The following EYS variants were observed in gnomAD, a reference collection of about 807,000 sequenced individuals.
EYS encodes protein eyes shut homolog.
EYS carries 250 observed loss-of-function variants against 282.1 expected under a neutral mutation model. The observed-to-expected ratio is 0.89, with a 90% confidence interval of 0.80 to 0.98. EYS has a LOEUF of 0.98. EYS is among the 50% of genes least tolerant of loss of function. The probability of loss-of-function intolerance (pLI) is 0.00; values close to 1 mark genes in which losing one functional copy is unlikely to be tolerated. For missense variants in EYS, 4,016 were observed against 3,709.0 expected (o/e 1.08, Z -2.15); for synonymous variants, 1,355 against 1,282.9 (o/e 1.06, Z -1.20).
chr6:64,166,609 CAA>C (rs142750252), intron 31 of EYS, among the ~76,000 whole-genome samples: 4,603 of 152,254 alleles, frequency 0.03, 227 homozygotes, highest in African/African-American at 0.1. Context: ...CCGATTTTAA[CAA>C]AGAGGGATAT....
intron 31 of EYS, among the ~76,000 whole-genome samples, chr6:64,121,608 A>T (rs1417462913): frequency 2.6e-5 from 4 of 152,184 alleles, no homozygotes; most frequent in Non-Finnish European, 5.9e-5. Context: ...TATACAGAAG[A>T]CTTAAATTTA....
intron 2 of EYS, among the ~76,000 whole-genome samples, chr6:65,517,342 A>AAAC (rs1299789877): frequency 0.021 from 1,217 of 57,376 alleles, 19 homozygotes; most frequent in African/African-American, 0.059. Flanking sequence ...AAACAACAAC[A>AAAC]AAAAAAAAAC....
chr6:65,507,693 T>G (rs1352709746), intron 2 of EYS, among the ~76,000 whole-genome samples: 2 of 152,142 alleles, frequency 1.3e-5, no homozygotes, highest in Admixed American at 6.6e-5. Flanking sequence ...CCACTGATCT[T>G]TCCTTAGCTT....
chr6:64,886,503 G>C (rs1562242924), intron 19 of EYS, among the ~76,000 whole-genome samples, 194 bp downstream of exon 19: 2 of 151,828 alleles, frequency 1.3e-5, no homozygotes. Context: ...CTAATCTTAG[G>C]ATTTAATAAA....
intron 12 of EYS, among the ~76,000 whole-genome samples, chr6:65,201,934 G>A (rs1418046013): frequency 1.1e-4 from 16 of 151,940 alleles, no homozygotes; most frequent in Admixed American, 8.5e-4. Flanking sequence ...GCAACATGGC[G>A]AGACCCCATT....
rs769893917 is a variant in EYS, at chr6:64,350,555, A to C, written c.6078+38135T>G. Among the ~76,000 whole-genome samples the C allele has an allele frequency of 6.6e-5, 10 of 151,530 alleles. No individual in the cohort carries two copies. In the South Asian group the frequency reaches 8.3e-4, roughly 13 times the overall value. On this transcript the variant is annotated intron_variant, in intron 29 of 42. Transcript: ENST00000503581. ...GATCTCAACCCCACTCTCCTCTGGC[A>C]TGTCACACATCTGCCTACACTATCC...
Position 65,236,033 on chromosome 6 carries a change from T to G in EYS, c.2023+59830A>C, listed in dbSNP as rs1246287315. ...AAATTTCCTTGATTTTTGAATTATG[T>G]GCACCTCTTATGTAATAAAGTAAAA... On this transcript the variant is annotated intron_variant, in intron 12 of 42. Coordinates refer to ENST00000503581, the MANE Select transcript of EYS (RefSeq NM_001142800.2). Among the ~76,000 whole-genome samples, 3 of 152,130 alleles carry G rather than the reference T, an allele frequency of 2.0e-5. No individual in the cohort carries two copies. In the South Asian group the frequency reaches 6.2e-4, roughly 32 times the overall value.
chr6:63,773,704 T>A lies in EYS; in HGVS notation c.7898+4302A>T, dbSNP rs1769991384. On this transcript the variant is annotated intron_variant, in intron 40 of 42. Coordinates refer to ENST00000503581, the MANE Select transcript of EYS (RefSeq NM_001142800.2). ...GAGTGTTTAGGGAACAGGTCACTAGTTGGAAAACAATTACATGTCCAGATG... is the reference window on the plus strand; with the variant it reads ...GAGTGTTTAGGGAACAGGTCACTAGATGGAAAACAATTACATGTCCAGATG... Among the ~76,000 whole-genome samples the A allele has an allele frequency of 7.2e-5, 11 of 152,238 alleles. No homozygotes were observed. In the South Asian group the frequency reaches 1.9e-3, roughly 26 times the overall value.
At chr6:64,765,912 A>T (rs76131220) in intron 22 of EYS, among the ~76,000 whole-genome samples, 2,289 of 152,194 alleles carry the variant, frequency 0.015, 44 homozygotes, top group African/African-American at 0.043. Context: ...GGTGTATTTC[A>T]GATTTAATAA....
At chr6:65,695,306 T>C (rs1423132294) in intron 1 of EYS, among the ~76,000 whole-genome samples, 2 of 152,060 alleles carry the variant, frequency 1.3e-5, no homozygotes, top group Non-Finnish European at 2.9e-5. Flanking sequence ...TTTGGCAAGA[T>C]TATGACAAAT....
intron 24 of EYS, 140 bp from the exon 25 acceptor site, chr6:64,593,449 AAT>A: frequency 1.7e-6 from 1 of 603,854 alleles, no homozygotes; most frequent in Non-Finnish European, 2.6e-6. Flanking sequence ...TTGAAAATTA[AAT>A]CTCCATAGTA....
At chr6:64,405,678 C>A (rs1043605486) in intron 28 of EYS, among the ~76,000 whole-genome samples, 1 of 152,060 alleles carries the variant, frequency 6.6e-6, no homozygotes, top group Non-Finnish European at 1.5e-5. Flanking sequence ...TTCCTATACA[C>A]CAATAACAGA....
At chr6:63,948,521 T>C (rs1040829823) in intron 35 of EYS, among the ~76,000 whole-genome samples, 17 of 152,236 alleles carry the variant, frequency 1.1e-4, no homozygotes, top group African/African-American at 4.1e-4. Flanking sequence ...AACAAGATGC[T>C]GATCAGACAG....
intron 31 of EYS, among the ~76,000 whole-genome samples, chr6:64,097,669 G>A (rs1343125724): frequency 6.6e-6 from 1 of 152,156 alleles, no homozygotes; most frequent in Non-Finnish European, 1.5e-5. Flanking sequence ...TCTTTGACTA[G>A]GGAAGGGAAT....
At chr6:64,725,005 A>G (rs1771706602) in intron 22 of EYS, among the ~76,000 whole-genome samples, 1 of 152,120 alleles carries the variant, frequency 6.6e-6, no homozygotes, top group African/African-American at 2.4e-5. Context: ...CAAAAACTCC[A>G]AAATACACCA....
chr6:65,378,189 C>T (rs537536798), intron 8 of EYS, among the ~76,000 whole-genome samples: 1 of 151,872 alleles, frequency 6.6e-6, no homozygotes, highest in Non-Finnish European at 1.5e-5. Flanking sequence ...ATTTACAAGA[C>T]AAAAACAATC....
intron 22 of EYS, among the ~76,000 whole-genome samples, chr6:64,629,302 G>A (rs1562100037): frequency 1.3e-5 from 2 of 152,106 alleles, no homozygotes; most frequent in South Asian, 2.1e-4. Context: ...TTAGAGGGAA[G>A]TTGCTTTGCA....
intron 24 of EYS, among the ~76,000 whole-genome samples, chr6:64,595,767 G>A (rs527863365): frequency 5.8e-4 from 88 of 152,212 alleles, no homozygotes; most frequent in Non-Finnish European, 1.0e-3. Context: ...ACAAAACACT[G>A]ATGCAAGACA....
intron 36 of EYS, among the ~76,000 whole-genome samples, chr6:63,863,929 G>A (rs910310364): frequency 3.9e-5 from 6 of 151,944 alleles, no homozygotes; most frequent in Non-Finnish European, 5.9e-5. Flanking sequence ...CCGCCTCAGC[G>A]TCCCAAAGTG....
Sources: allele counts gnomAD v4.1 joint callset (sites outside exome capture counted in the v4.1 genomes callset), GRCh38; gene constraint gnomAD v4.1.1; transcripts MANE v1.5; gene names NCBI Gene and HGNC (gene_info 2026-07-23, HGNC 2026-07-21).